Variants in PCCA observed in about 807,000 individuals in gnomAD.
PCCA encodes propionyl-CoA carboxylase alpha chain, mitochondrial.
A neutral mutation model predicts 101.3 loss-of-function variants in PCCA; 74 were observed. That is an observed-to-expected ratio of 0.73 (90% confidence interval 0.61 to 0.89). The LOEUF (loss-of-function observed/expected upper bound fraction) is 0.89. Ranked by LOEUF, PCCA falls within the 40% of genes least tolerant of loss-of-function variation. PCCA has a pLI of 0.00. For missense variants in PCCA, 891 were observed against 907.0 expected, an observed-to-expected ratio of 0.98 and a Z score of 0.23; for synonymous variants, 294 against 313.6, an observed-to-expected ratio of 0.94 and a Z score of 0.66.
intron 4 of PCCA, among the ~76,000 whole-genome samples, chr13:100,147,985 G>A (rs1038969315): frequency 2.0e-5 from 3 of 152,042 alleles, no homozygotes; most frequent in African/African-American, 7.2e-5. Context: ...GTCACACTGT[G>A]TTGCCCAGGT....
intron 4 of PCCA, among the ~76,000 whole-genome samples, chr13:100,118,749 A>G (rs531983375): frequency 6.6e-6 from 1 of 152,154 alleles, no homozygotes; most frequent in African/African-American, 2.4e-5. Context: ...GGGTTTCACC[A>G]TCTTTCCCAG....
chr13:100,262,943 C>A, intron 10 of PCCA, 112 bp downstream of exon 10: 3 of 652,276 alleles, frequency 4.6e-6, no homozygotes, highest in Non-Finnish European at 2.7e-6. Context: ...CCTTTAGAAT[C>A]TGTTGTACTT....
At chr13:100,457,204 A>G (rs140592035) in intron 21 of PCCA, among the ~76,000 whole-genome samples, 2,877 of 152,312 alleles carry the variant, frequency 0.019, 97 homozygotes, top group African/African-American at 0.065. Flanking sequence ...TCATCTCTAT[A>G]TCTAATTTGT....
Position 100,100,986 on chromosome 13 carries a change from A to G in PCCA, c.106-1897A>G, listed in dbSNP as rs1180503916. Among the ~76,000 whole-genome samples, 3 of 152,022 alleles carry G rather than the reference A, an allele frequency of 2.0e-5. No individual in the cohort carries two copies. In the East Asian group the frequency reaches 5.8e-4, roughly 29 times the overall value. On this transcript the variant is annotated intron_variant, in intron 1 of 23. Transcript: ENST00000376285. ...GCCCAGCTAATTTTGTATTTTTAGT[A>G]GAGATGGGGTTTCTCCATGTTGGTC...
chr13:100,450,393 CAA>C (rs527573616), intron 21 of PCCA, among the ~76,000 whole-genome samples: 6 of 133,122 alleles, frequency 4.5e-5, no homozygotes, highest in Admixed American at 7.6e-5. Flanking sequence ...GACCCCGTCT[CAA>C]AAAAAAAAAA....
At chr13:100,147,698 G>A (rs1317296407) in intron 4 of PCCA, among the ~76,000 whole-genome samples, 1 of 152,122 alleles carries the variant, frequency 6.6e-6, no homozygotes, top group African/African-American at 2.4e-5. Flanking sequence ...GCAAGCTAGA[G>A]CTGAGCCCAC....
chr13:100,297,253 A>G (rs1264233132), intron 12 of PCCA, among the ~76,000 whole-genome samples: 2 of 152,196 alleles, frequency 1.3e-5, no homozygotes, highest in Admixed American at 6.5e-5. Context: ...TTAATAAAGT[A>G]TCTTATAGGG....
intron 21 of PCCA, among the ~76,000 whole-genome samples, chr13:100,501,042 T>C (rs1324490744): frequency 6.6e-6 from 1 of 152,034 alleles, no homozygotes; most frequent in Non-Finnish European, 1.5e-5. Context: ...CTCGGGAGGC[T>C]GAGGCAGGAC....
chr13:100,283,436 G>A (rs539581401), intron 12 of PCCA, among the ~76,000 whole-genome samples: 23 of 152,236 alleles, frequency 1.5e-4, no homozygotes, highest in East Asian at 3.9e-4. Flanking sequence ...AATGATGTCC[G>A]CCATAACTCA....
At chr13:100,123,368 T>G (rs538231207) in intron 4 of PCCA, among the ~76,000 whole-genome samples, 1 of 152,172 alleles carries the variant, frequency 6.6e-6, no homozygotes, top group Non-Finnish European at 1.5e-5. Context: ...AATAACTCTT[T>G]AGAAACAGAA....
chr13:100,167,000 T>G (rs1197919453), intron 6 of PCCA, among the ~76,000 whole-genome samples: 2 of 152,214 alleles, frequency 1.3e-5, no homozygotes, highest in African/African-American at 4.8e-5. Flanking sequence ...CTCATTTGCT[T>G]TATATCTTTG....
At chr13:100,358,494 A>G (rs1397043056) in intron 18 of PCCA, among the ~76,000 whole-genome samples, 3 of 152,252 alleles carry the variant, frequency 2.0e-5, no homozygotes, top group Non-Finnish European at 4.4e-5. Flanking sequence ...GGGAACTATC[A>G]GCATAGAAAT....
chr13:100,494,673 A>G (rs1265419935), intron 21 of PCCA, among the ~76,000 whole-genome samples: 2 of 96,264 alleles, frequency 2.1e-5, no homozygotes, highest in Admixed American at 2.3e-4. Context: ...ACAAGAGCAA[A>G]ACTCAAAAAA....
chr13:100,482,989 CA>C (rs1034907394), intron 21 of PCCA, among the ~76,000 whole-genome samples: 7 of 152,042 alleles, frequency 4.6e-5, no homozygotes, highest in Non-Finnish European at 1.0e-4. Flanking sequence ...ATGGAATTAG[CA>C]AAAAATGACT....
intron 5 of PCCA, 54 bp downstream of exon 5, chr13:100,155,146 A>G: frequency 8.6e-7 from 1 of 1,160,888 alleles, no homozygotes; most frequent in Non-Finnish European, 1.3e-6. Context: ...GTGAGCAGAA[A>G]GCTAGAGTTT....
intron 21 of PCCA, among the ~76,000 whole-genome samples, chr13:100,459,132 T>G (rs562419593): frequency 6.6e-6 from 1 of 152,184 alleles, no homozygotes; most frequent in African/African-American, 2.4e-5. Context: ...CATGGCCTTC[T>G]TCCCTATGAC....
Position 100,505,163 on chromosome 13 carries a change from A to G in PCCA, c.1900-10264A>G, listed in dbSNP as rs75658254. 4.4e-3 allele frequency among the ~76,000 whole-genome samples: 674 copies of G among 152,334 alleles called. 34 individuals are homozygous for G. The East Asian group carries it at 0.099, about 22-fold the overall frequency. On this transcript the variant is annotated intron_variant, in intron 21 of 23. Coordinates refer to ENST00000376285, the MANE Select transcript of PCCA (RefSeq NM_000282.4). ...TAAAAAAGCCCACCTCATATTGATC[A>G]CATTCTTAGTAATCCTTGAATACGT...
chr13:100,168,991 C>T (rs935043730), intron 6 of PCCA, among the ~76,000 whole-genome samples: 2 of 151,906 alleles, frequency 1.3e-5, no homozygotes, highest in Non-Finnish European at 2.9e-5. Context: ...GTTGAAAGAC[C>T]AGTGTTTTAC....
At chr13:100,339,359 T>C (rs1013412521) in intron 17 of PCCA, among the ~76,000 whole-genome samples, 5 of 152,196 alleles carry the variant, frequency 3.3e-5, no homozygotes, top group African/African-American at 1.2e-4. Flanking sequence ...TTCAAGTTGC[T>C]CATACTGTCC....
Sources: allele counts gnomAD v4.1 joint callset (sites outside exome capture counted in the v4.1 genomes callset), GRCh38; gene constraint gnomAD v4.1.1; transcripts MANE v1.5; gene names NCBI Gene and HGNC (gene_info 2026-07-23, HGNC 2026-07-21).